The following EML5 variants were observed in gnomAD, a reference collection of about 807,000 sequenced individuals.
EML5 encodes EMAP like 5.
Under a neutral mutation model 250.0 loss-of-function variants are expected in EML5, and 120 were observed. The observed-to-expected ratio is 0.48, with a 90% confidence interval of 0.41 to 0.56. The LOEUF (loss-of-function observed/expected upper bound fraction) is 0.56, where lower values mean the gene tolerates loss of function less well. Ranked by LOEUF, EML5 falls within the 20% of genes least tolerant of loss-of-function variation. The pLI is 0.00. For missense variants in EML5, 2,006 were observed against 2,437.6 expected, an observed-to-expected ratio of 0.82 and a Z score of 3.73; for synonymous variants, 771 against 806.5, an observed-to-expected ratio of 0.96 and a Z score of 0.75.
chr14:88,688,001 C>T (rs187290763), intron 18 of EML5, among the ~76,000 whole-genome samples: 114 of 152,234 alleles, frequency 7.5e-4, no homozygotes, highest in African/African-American at 2.6e-3. Context: ...AGCCCAGGAG[C>T]TGGAGGCTGC....
chr14:88,778,464 G>C (rs2078411713), intron 1 of EML5, among the ~76,000 whole-genome samples: 1 of 152,134 alleles, frequency 6.6e-6, no homozygotes, highest in South Asian at 2.1e-4. Context: ...TCTGTTTCTG[G>C]ACATAGAACT....
chr14:88,745,249 C>T (rs1474347914), intron 3 of EML5, among the ~76,000 whole-genome samples: 1 of 150,366 alleles, frequency 6.7e-6, no homozygotes, highest in East Asian at 1.9e-4. Context: ...CTCCAAAATG[C>T]GAATATACAC....
At chr14:88,712,120 CAAT>C (rs2093418523) in intron 10 of EML5, 148 bp downstream of exon 10, 2 of 614,526 alleles carry the variant, frequency 3.3e-6, no homozygotes, top group South Asian at 2.3e-5. Context: ...CAGCATATGA[CAAT>C]AATTTTTGAA....
In EML5 at chr14:88,634,468, C is replaced by A. The variant is rs1464674014; in HGVS notation, c.4357+1G>T. 6.8e-7 allele frequency: 1 copy of A among 1,465,172 alleles called. No individual in the cohort carries two copies. The highest frequency in any genetic ancestry group is 9.1e-7 in the Non-Finnish European group (1 of 1,095,636). 90.8% of individuals were successfully genotyped at this position (1,465,172 alleles called of 1,614,324 possible). A position where few individuals can be genotyped will look rare whatever the true frequency, so the allele number is the denominator to read the frequency against. Reference sequence around the variant, plus strand: ...AGCAGAAAATGTTTAGTTTTCCTTACCTGACATGTCTGCTGAATCACCTAT... The same window carrying A: ...AGCAGAAAATGTTTAGTTTTCCTTAACTGACATGTCTGCTGAATCACCTAT... On this transcript the variant is annotated splice_donor_variant, in intron 33 of 43. Transcript: ENST00000554922. LOFTEE classifies it high-confidence loss of function.
chr14:88,701,454 T>G (rs1439101223), intron 14 of EML5, among the ~76,000 whole-genome samples: 1 of 152,224 alleles, frequency 6.6e-6, no homozygotes, highest in Non-Finnish European at 1.5e-5. Context: ...TTATTTATCT[T>G]TATATTCCTA....
In EML5 at chr14:88,706,271, T is replaced by C. The variant is rs1566669280; in HGVS notation, c.1813A>G (p.Ile605Val). 2 of 1,606,236 alleles carry C rather than the reference T, an allele frequency of 1.2e-6. No homozygotes were observed. The highest frequency in any genetic ancestry group is 1.7e-6 in the Non-Finnish European group (2 of 1,176,946). ...PERKLKDAVH[I>V]APQESLADSH... ...GCATACTACTCACCTTGGGGTGCTA[T>C]GTGAACAGCATCTTTCAGTTTTCTT... Residue 605 changes from isoleucine to valine, a missense_variant, in exon 11 of 44, where the codon ATA becomes GTA. Physicochemically the swap from Ile to Val is conservative, Grantham distance 29. This residue lies in a region of EML5 where 1,375 missense variants were observed against 1,590.3 expected (regional missense o/e 0.86). Coordinates refer to ENST00000554922, the MANE Select transcript of EML5 (RefSeq NM_183387.3).
At chr14:88,763,281 GAGA>G (rs1394242618) in intron 1 of EML5, among the ~76,000 whole-genome samples, 2 of 151,778 alleles carry the variant, frequency 1.3e-5, no homozygotes, top group Admixed American at 6.6e-5. Flanking sequence ...GAAGAAAAGA[GAGA>G]AGAATCAAAT....
intron 1 of EML5, among the ~76,000 whole-genome samples, chr14:88,776,516 A>G (rs1028203569): frequency 6.6e-6 from 1 of 152,016 alleles, no homozygotes; most frequent in Non-Finnish European, 1.5e-5. Flanking sequence ...AGAATTGATC[A>G]AGCAGAAGAA....
At chr14:88,684,529 A>ACACT (rs1567117973) in intron 20 of EML5, among the ~76,000 whole-genome samples, 2 of 149,474 alleles carry the variant, frequency 1.3e-5, no homozygotes, top group Non-Finnish European at 3.0e-5. Flanking sequence ...ATTTTAGCAT[A>ACACT]CATTTTTATT....
At position 88,620,861 on chromosome 14, in the gene EML5, G is replaced by A. The variant is rs1307909370; in HGVS notation, c.5268C>T (p.Asp1756=). The A allele has an allele frequency of 1.9e-6, 3 of 1,583,378 alleles. No individual in the cohort carries two copies. The highest frequency in any genetic ancestry group is 2.6e-6 in the Non-Finnish European group (3 of 1,165,012). Residue 1756 remains aspartate, a synonymous_variant, in exon 39 of 44, where the codon GAC becomes GAT. Transcript: ENST00000554922. This position sits in a 1 kb window ranked among gnomAD's most constrained non-coding sequence, Gnocchi z 4.3. ...ARTVCYSPEG[D]MVAIGMKNGE... is the part of the protein sequence containing the mutation. Reference sequence around the variant, plus strand: ...CATTTTTCATTCCAATAGCCACCATGTCCCCTTCAGGGCTGTAACACACAG... The same window carrying A: ...CATTTTTCATTCCAATAGCCACCATATCCCCTTCAGGGCTGTAACACACAG...
chr14:88,751,437 G>A (rs1360023031), intron 2 of EML5, among the ~76,000 whole-genome samples: 1 of 152,186 alleles, frequency 6.6e-6, no homozygotes, highest in Non-Finnish European at 1.5e-5. Flanking sequence ...ATCCAGGGGA[G>A]GGAAGGAGTG....
rs115646431 is a variant in EML5 at position 88,663,235 on chromosome 14, T to G, written c.3410-116A>C. The G allele has an allele frequency of 6.4e-3, 3,559 of 558,260 alleles. 111 individuals are homozygous for G. Among genetic ancestry groups the G allele is most frequent in the African/African-American group, 0.062 (3,162 of 51,142 alleles). 34.6% of individuals were successfully genotyped at this position (558,260 alleles called of 1,614,324 possible). A position where few individuals can be genotyped will look rare whatever the true frequency, so the allele number is the denominator to read the frequency against. On this transcript the variant is annotated intron_variant, in intron 23 of 43. Transcript: ENST00000554922. The stretch of plus-strand genomic sequence containing the variant: ...ATCAGCTTAAATATAAAAACCATTT[T>G]CTGCTGCAGTCAACTTATAGTAAGA...
rs753192719 is a variant in EML5, at chr14:88,661,785, A to G, written c.3544T>C (p.Cys1182Arg). The G allele has an allele frequency of 4.3e-6, 7 of 1,613,724 alleles. No homozygotes were observed. The East Asian group carries it at 1.1e-4, about 26-fold the overall frequency. Reference sequence around the variant, plus strand: ...ATTACTGGCCAAATTCCTTCACAGCATAAACCAAGTACACTTGTCCATGAT... The same window carrying G: ...ATTACTGGCCAAATTCCTTCACAGCGTAAACCAAGTACACTTGTCCATGAT... ...WASWTSVLGL[C>R]CEGIWPVIGE... The change falls in exon 25 of 44, where the codon TGC becomes CGC. Residue 1182 changes from cysteine (C) to arginine (R), a missense_variant. By Grantham distance (180) the Cys-to-Arg change is radical. Coordinates refer to ENST00000554922, the MANE Select transcript of EML5 (RefSeq NM_183387.3).
At chr14:88,784,419 C>T (rs1397657256) in intron 1 of EML5, among the ~76,000 whole-genome samples, 1 of 145,462 alleles carries the variant, frequency 6.9e-6, no homozygotes, top group Non-Finnish European at 1.5e-5. Flanking sequence ...AAAAAAAAAA[C>T]AAGATACAAA....
intron 33 of EML5, among the ~76,000 whole-genome samples, chr14:88,632,321 C>T (rs2090483511): frequency 6.6e-6 from 1 of 152,138 alleles, no homozygotes; most frequent in African/African-American, 2.4e-5. Context: ...CCTAATTTTC[C>T]AATTTTCTCT....
At position 88,770,745 on chromosome 14, in the gene EML5, A is replaced by C. The variant is rs145777298; in HGVS notation, c.198-16074T>G. On this transcript the variant is annotated intron_variant, in intron 1 of 43. Transcript: ENST00000554922. Reference sequence around the variant, plus strand: ...CACATAATGCCTAGTATATTGCTGAACATATAGTAAAAACTCAACATTTAT... The same window carrying C: ...CACATAATGCCTAGTATATTGCTGACCATATAGTAAAAACTCAACATTTAT... Among the ~76,000 whole-genome samples the C allele has an allele frequency of 2.8e-3, 428 of 152,316 alleles. 3 individuals are homozygous for C. The highest frequency in any genetic ancestry group is 9.9e-3 in the African/African-American group (411 of 41,568).
chr14:88,767,253 C>T (rs1180418921), intron 1 of EML5, among the ~76,000 whole-genome samples: 1 of 152,226 alleles, frequency 6.6e-6, no homozygotes, highest in African/African-American at 2.4e-5. Flanking sequence ...TGTACACACA[C>T]CAAAGGGGCA....
chr14:88,668,445 G>A (rs536084760), intron 21 of EML5, among the ~76,000 whole-genome samples: 1 of 151,968 alleles, frequency 6.6e-6, no homozygotes, highest in Non-Finnish European at 1.5e-5. Flanking sequence ...AAAAAAAAAA[G>A]GGAATGATAA....
intron 4 of EML5, 96 bp downstream of exon 4, chr14:88,743,927 A>G: frequency 1.4e-6 from 1 of 709,830 alleles, no homozygotes; most frequent in East Asian, 3.2e-5. Context: ...AAGTACTATC[A>G]AAATTCTGAA....
Sources: gnomAD v4.1 joint callset for allele counts (sites outside exome capture counted in the v4.1 genomes callset) on GRCh38, gnomAD v4.1.1 for gene constraint, gnomAD v4.1.1 regional missense constraint, Gnocchi (gnomAD v3.1) non-coding constraint, MANE v1.5 for transcripts, NCBI Gene and HGNC (gene_info 2026-07-23, HGNC 2026-07-21) for gene names.